The following TBC1D31 variants were observed in gnomAD, a reference collection of about 807,000 sequenced individuals.
TBC1D31 encodes TBC1 domain family member 31, also known as WD repeat domain 67.
In TBC1D31, 99 loss-of-function variants were observed where a neutral mutation model predicts 132.9. The observed-to-expected ratio is 0.74, with a 90% CI of 0.63 to 0.88. The LOEUF is 0.88. Among genes scored for constraint, TBC1D31 ranks in the 40% least tolerant of loss-of-function variants. The pLI, the probability that TBC1D31 is intolerant of heterozygous loss-of-function variation, is 0.00. For missense variants in TBC1D31, 1,134 were observed against 1,256.6 expected (o/e 0.90, Z 1.48); for synonymous variants, 385 against 419.4 (o/e 0.92, Z 1.00).
chr8:123,113,574 G>A (rs1818639189), intron 10 of TBC1D31, among the ~76,000 whole-genome samples: 1 of 152,166 alleles, frequency 6.6e-6, no homozygotes, highest in African/African-American at 2.4e-5. Flanking sequence ...TCTTCCTAAA[G>A]TGACAAGAGG....
intron 6 of TBC1D31, among the ~76,000 whole-genome samples, chr8:123,099,471 C>T (rs1042187203): frequency 6.6e-6 from 1 of 152,120 alleles, no homozygotes; most frequent in African/African-American, 2.4e-5. Context: ...TTAAACTTTT[C>T]TCTCCCCTTA....
rs756406992 is a variant in TBC1D31 at position 123,151,792 on chromosome 8, ATTTCGT to A, written c.3068-9_3068-4del. ...AAAACTCAGCTTTTCTAAATTTTAAATTTCGTTTTCAAGTTTCTTTAAATAGAAGAG... is the reference window on the plus strand; with the variant it reads ...AAAACTCAGCTTTTCTAAATTTTAAATTTCAAGTTTCTTTAAATAGAAGAG... On this transcript the variant is annotated splice_polypyrimidine_tract_variant and splice_region_variant and intron_variant, in intron 21 of 21. Coordinates refer to ENST00000287380, the MANE Select transcript of TBC1D31 (RefSeq NM_145647.4). The A allele has an allele frequency of 1.1e-4, 165 of 1,549,440 alleles. No individual in the cohort carries two copies. Among genetic ancestry groups the A allele is most frequent in the Non-Finnish European group, 1.4e-4 (162 of 1,160,302 alleles).
intron 5 of TBC1D31, 92 bp from the exon 6 acceptor site, chr8:123,097,190 A>T: frequency 7.3e-7 from 1 of 1,373,024 alleles, no homozygotes. Flanking sequence ...GCATAGACAC[A>T]GTACATTTCT....
At chr8:123,143,348 G>A (rs961409699) in intron 19 of TBC1D31, among the ~76,000 whole-genome samples, 3 of 152,110 alleles carry the variant, frequency 2.0e-5, no homozygotes, top group Admixed American at 6.5e-5. Flanking sequence ...TAATAAGATA[G>A]CTAAAAATAA....
chr8:123,162,329 T>C, the TBC1D31 span, among the ~76,000 whole-genome samples: 2 of 152,186 alleles, frequency 1.3e-5, no homozygotes, highest in Non-Finnish European at 1.5e-5. Flanking sequence ...TGTATGTGTG[T>C]GTGTTCTGGG....
chr8:123,105,445 G>C lies in TBC1D31; in HGVS notation c.1190G>C (p.Gly397Ala), dbSNP rs1189773349. ...QTRILKQDLT[G>A]DFESKKNELP... ...AGAATATTAAAACAAGACCTGACTGGTGATTTTGAAAGTAAAAAGGTAAGA... is the reference window on the plus strand; with the variant it reads ...AGAATATTAAAACAAGACCTGACTGCTGATTTTGAAAGTAAAAAGGTAAGA... Residue 397 changes from glycine (G) to alanine (A), a missense_variant, in exon 8 of 22, where the codon GGT (glycine) becomes GCT (alanine). By Grantham distance (60) the Gly-to-Ala change is moderately conservative. Transcript: ENST00000287380. The C allele has an allele frequency of 6.2e-7, 1 of 1,608,492 alleles. No individual in the cohort carries two copies. The highest frequency in any genetic ancestry group is 8.5e-7 in the Non-Finnish European group (1 of 1,177,782).
In TBC1D31 at chr8:123,126,538, T is replaced by C. The variant is rs906757866; in HGVS notation, c.1735T>C (p.Phe579Leu). 4 of 1,613,962 alleles carry C rather than the reference T, an allele frequency of 2.5e-6. No homozygotes were observed. In the East Asian group the frequency reaches 6.7e-5, roughly 27 times the overall value. ...LYAWPLLETV[F>L]SEVLTREEWL... ...TGCATGGCCTCTTCTTGAAACTGTG[T>C]TCTCAGAAGTGCTGACAAGAGAGGA... Residue 579 changes from phenylalanine to leucine, a missense_variant, in exon 13 of 22, where the codon TTC becomes CTC. Transcript: ENST00000287380.
chr8:123,091,269 TATCAC>T (rs2130103156), intron 4 of TBC1D31, among the ~76,000 whole-genome samples: 1 of 152,318 alleles, frequency 6.6e-6, no homozygotes, highest in Non-Finnish European at 1.5e-5. Flanking sequence ...GGCAATAATC[TATCAC>T]AGTTATTCTG....
intron 8 of TBC1D31, among the ~76,000 whole-genome samples, chr8:123,107,302 A>G (rs1818022917): frequency 6.6e-6 from 1 of 152,152 alleles, no homozygotes; most frequent in Non-Finnish European, 1.5e-5. Context: ...CCATTTCCAC[A>G]TGAAGAAATA....
At chr8:123,126,267 T>G (rs989507270) in intron 12 of TBC1D31, 78 bp downstream of exon 12, 23 of 1,485,882 alleles carry the variant, frequency 1.5e-5, no homozygotes, top group Non-Finnish European at 2.1e-5. Flanking sequence ...CAGTCTTTTC[T>G]TGAAGGAGTA....
intron 19 of TBC1D31, among the ~76,000 whole-genome samples, chr8:123,142,741 G>A (rs1408412217): frequency 6.6e-6 from 1 of 152,156 alleles, no homozygotes; most frequent in Non-Finnish European, 1.5e-5. Context: ...TGTCAGAGAC[G>A]TCGTCTAATA....
chr8:123,087,814 T>C (rs1815919661), intron 4 of TBC1D31, among the ~76,000 whole-genome samples: 1 of 152,256 alleles, frequency 6.6e-6, no homozygotes, highest in African/African-American at 2.4e-5. Context: ...ATATTAATGT[T>C]AGTGCTATAA....
At chr8:123,074,431 G>A (rs1227338345) in intron 1 of TBC1D31, among the ~76,000 whole-genome samples, 2 of 152,148 alleles carry the variant, frequency 1.3e-5, no homozygotes, top group Non-Finnish European at 2.9e-5. Context: ...CAATGCCGCT[G>A]CCTCAACTAC....
Position 123,072,707 on chromosome 8 carries a change from C to T in TBC1D31, c.-63C>T, listed in dbSNP as rs1160525379. The T allele has an allele frequency of 6.6e-7, 1 of 1,523,232 alleles. No individual in the cohort carries two copies. The highest frequency in any genetic ancestry group is 8.9e-7 in the Non-Finnish European group (1 of 1,125,142). 94.4% of individuals were successfully genotyped at this position (1,523,232 alleles called of 1,614,324 possible). ...ATTTCCCGGGCCGGGAGCGCTGGGC[C>T]TGCCGGGAAGGCGCTGGGACGGTTA... On this transcript the variant is annotated 5_prime_UTR_variant, in exon 1 of 22. Coordinates refer to ENST00000287380, the MANE Select transcript of TBC1D31 (RefSeq NM_145647.4).
At chr8:123,092,829 T>TTTTTTTTTTTG (rs1816468384) in intron 4 of TBC1D31, among the ~76,000 whole-genome samples, 1 of 146,156 alleles carries the variant, frequency 6.8e-6, no homozygotes, top group Non-Finnish European at 1.5e-5. Context: ...TTTTTTTTTT[T>TTTTTTTTTTTG]GAGACGAAGG....
At chr8:123,101,062 T>C in intron 7 of TBC1D31, 55 bp downstream of exon 7, 1 of 1,242,976 alleles carries the variant, frequency 8.0e-7, no homozygotes. Flanking sequence ...ATATATTATA[T>C]CATCAAGAAT....
chr8:123,124,654 G>A (rs532773290), intron 11 of TBC1D31, among the ~76,000 whole-genome samples: 22 of 152,070 alleles, frequency 1.4e-4, no homozygotes, highest in Non-Finnish European at 2.4e-4. Flanking sequence ...TGGGCTGGGC[G>A]CAGCGGCTCA....
At chr8:123,078,685 G>A (rs112869797) in intron 2 of TBC1D31, among the ~76,000 whole-genome samples, 92 of 152,252 alleles carry the variant, frequency 6.0e-4, no homozygotes, top group African/African-American at 2.1e-3. Context: ...AAGAATGTTC[G>A]GGATGTGTCA....
At chr8:123,081,583 G>A (rs1243891460) in intron 2 of TBC1D31, among the ~76,000 whole-genome samples, 1 of 152,120 alleles carries the variant, frequency 6.6e-6, no homozygotes, top group African/African-American at 2.4e-5. Context: ...CACATATTGA[G>A]TTCATAAAGT....
Sources: gnomAD v4.1 joint callset for allele counts (sites outside exome capture counted in the v4.1 genomes callset) on GRCh38, gnomAD v4.1.1 for gene constraint, MANE v1.5 for transcripts, NCBI Gene and HGNC (gene_info 2026-07-23, HGNC 2026-07-21) for gene names.